Variants in PARD3 observed in about 807,000 individuals in gnomAD.
PARD3 encodes partitioning defective 3 homolog.
A neutral mutation model predicts 155.4 loss-of-function variants in PARD3; 75 were observed. The observed-to-expected ratio is 0.48, with a 90% confidence interval of 0.40 to 0.58. The LOEUF (loss-of-function observed/expected upper bound fraction) is 0.58. Among genes scored for constraint, PARD3 ranks in the 20% least tolerant of loss-of-function variants. PARD3 has a pLI of 0.00. For synonymous variants in PARD3, 576 were observed against 610.5 expected, an observed-to-expected ratio of 0.94 and a Z score of 0.83; for missense variants, 1,642 against 1,721.7, an observed-to-expected ratio of 0.95 and a Z score of 0.82.
intron 2 of PARD3, among the ~76,000 whole-genome samples, chr10:34,523,994 C>T (rs985470058): frequency 4.6e-5 from 7 of 152,038 alleles, no homozygotes; most frequent in African/African-American, 1.7e-4. Context: ...CTGAATTCCC[C>T]TTTTTCTATC....
chr10:34,507,023 G>A (rs969152118), intron 3 of PARD3, among the ~76,000 whole-genome samples: 1 of 152,102 alleles, frequency 6.6e-6, no homozygotes, highest in South Asian at 2.1e-4. Flanking sequence ...TTTCAGCAGG[G>A]AATACACATC....
At chr10:34,445,467 C>T (rs1025794125) in intron 5 of PARD3, among the ~76,000 whole-genome samples, 8 of 152,154 alleles carry the variant, frequency 5.3e-5, no homozygotes, top group African/African-American at 1.9e-4. Flanking sequence ...AGGAATGGAA[C>T]ATCATTTTTT....
chr10:34,130,911 A>C (rs563993080), intron 23 of PARD3, among the ~76,000 whole-genome samples: 54 of 152,314 alleles, frequency 3.5e-4, no homozygotes, highest in Middle Eastern at 6.8e-3. Flanking sequence ...AAACTAAAAA[A>C]TTAGCCAGGT....
At chr10:34,498,353 A>T (rs2080431179) in intron 3 of PARD3, among the ~76,000 whole-genome samples, 2 of 152,210 alleles carry the variant, frequency 1.3e-5, no homozygotes, top group African/African-American at 4.8e-5. Flanking sequence ...AAAATAATCC[A>T]CGGAATATAA....
At chr10:34,619,237 G>C (rs943938382) in intron 2 of PARD3, among the ~76,000 whole-genome samples, 1 of 151,954 alleles carries the variant, frequency 6.6e-6, no homozygotes, top group Non-Finnish European at 1.5e-5. Context: ...TTTTGGTAGA[G>C]ACGGGGTTTC....
chr10:34,182,043 C>T (rs1325991570), intron 22 of PARD3, among the ~76,000 whole-genome samples: 4 of 152,200 alleles, frequency 2.6e-5, no homozygotes, highest in African/African-American at 9.7e-5. Flanking sequence ...TGAGTCTATA[C>T]CGCTGATGAA....
At chr10:34,180,025 A>G (rs1950200677) in intron 22 of PARD3, among the ~76,000 whole-genome samples, 1 of 152,038 alleles carries the variant, frequency 6.6e-6, no homozygotes, top group Non-Finnish European at 1.5e-5. Context: ...CTTCATGAAG[A>G]GTGGGGTATC....
chr10:34,781,040 A>C (rs1396137704), intron 1 of PARD3, among the ~76,000 whole-genome samples: 2 of 152,038 alleles, frequency 1.3e-5, no homozygotes, highest in Non-Finnish European at 2.9e-5. Flanking sequence ...GCAGGACATC[A>C]CTCTTGCATC....
intron 18 of PARD3, among the ~76,000 whole-genome samples, chr10:34,334,913 T>C (rs953003829): frequency 2.6e-5 from 4 of 151,878 alleles, no homozygotes; most frequent in East Asian, 3.9e-4. Context: ...CTTTTCCTTA[T>C]AGTAGCTGTG....
At chr10:34,375,095 C>CACA in intron 10 of PARD3, 93 bp from the exon 11 acceptor site, 1 of 900,604 alleles carries the variant, frequency 1.1e-6, no homozygotes, top group Non-Finnish European at 1.7e-6. Context: ...CACACACACA[C>CACA]TCTAGGACTA....
intron 2 of PARD3, among the ~76,000 whole-genome samples, chr10:34,587,391 T>C (rs2088182611): frequency 6.6e-6 from 1 of 152,168 alleles, no homozygotes; most frequent in South Asian, 2.1e-4. Context: ...TCAGCCACCG[T>C]GCAAAGCCTG....
chr10:34,523,859 C>T (rs1385982408), intron 2 of PARD3, among the ~76,000 whole-genome samples: 2 of 152,122 alleles, frequency 1.3e-5, no homozygotes, highest in Non-Finnish European at 2.9e-5. Flanking sequence ...CACTTTTCGT[C>T]TCCATAGTTT....
chr10:34,401,396 TAATA>T (rs1321350988), intron 6 of PARD3, among the ~76,000 whole-genome samples: 1 of 152,210 alleles, frequency 6.6e-6, no homozygotes, highest in East Asian at 1.9e-4. Context: ...ACATGCACTA[TAATA>T]ATTAATGCTA....
In PARD3 at chr10:34,507,760, T is replaced by A. The variant is rs557370999; in HGVS notation, c.403+9219A>T. Among the ~76,000 whole-genome samples the A allele has an allele frequency of 2.0e-5, 3 of 152,292 alleles. No homozygotes were observed. The East Asian group carries it at 5.8e-4, about 29-fold the overall frequency. ...CCATCTCCAATCCAATTAATAGATATATGACCTTGTCAACATGTAATAATC... is the reference window on the plus strand; with the variant it reads ...CCATCTCCAATCCAATTAATAGATAAATGACCTTGTCAACATGTAATAATC... On this transcript the variant is annotated intron_variant, in intron 3 of 24. Transcript: ENST00000374788.
At chr10:34,228,780 T>C (rs1952759246) in intron 22 of PARD3, among the ~76,000 whole-genome samples, 1 of 152,090 alleles carries the variant, frequency 6.6e-6, no homozygotes, top group African/African-American at 2.4e-5. Flanking sequence ...ACAGACCCTG[T>C]GCTCCCAAAT....
intron 3 of PARD3, among the ~76,000 whole-genome samples, chr10:34,502,495 C>T (rs2080783130): frequency 6.6e-6 from 1 of 152,162 alleles, no homozygotes; most frequent in Non-Finnish European, 1.5e-5. Context: ...ACATGCAGGA[C>T]TGTAATAAAC....
At chr10:34,420,709 A>G (rs964080457) in intron 5 of PARD3, among the ~76,000 whole-genome samples, 3 of 152,224 alleles carry the variant, frequency 2.0e-5, no homozygotes, top group Admixed American at 2.0e-4. Flanking sequence ...CATCACTTGC[A>G]TGCACAAATA....
At chr10:34,304,106 C>T (rs557450290) in intron 20 of PARD3, among the ~76,000 whole-genome samples, 1 of 152,158 alleles carries the variant, frequency 6.6e-6, no homozygotes, top group East Asian at 1.9e-4. Flanking sequence ...GCAGGGATGG[C>T]TGCCATCGCA....
chr10:34,492,306 C>T (rs1265902190), intron 3 of PARD3, among the ~76,000 whole-genome samples: 2 of 152,134 alleles, frequency 1.3e-5, no homozygotes, highest in African/African-American at 2.4e-5. Flanking sequence ...CAGGCTCGCA[C>T]CTGCTCAGGT....
Sources: allele counts gnomAD v4.1 joint callset (sites outside exome capture counted in the v4.1 genomes callset), GRCh38; gene constraint gnomAD v4.1.1; transcripts MANE v1.5; gene names NCBI Gene and HGNC (gene_info 2026-07-23, HGNC 2026-07-21).